Variants in OPN1SW observed in about 807,000 individuals in gnomAD.
The protein encoded by OPN1SW is short-wave-sensitive opsin 1.
Under a neutral mutation model 31.9 loss-of-function variants are expected in OPN1SW, and 25 were observed. The observed-to-expected ratio is 0.78, with a 90% confidence interval of 0.57 to 1.09. OPN1SW has a LOEUF of 1.09. Ranked by LOEUF, OPN1SW falls within the 50% of genes least tolerant of loss-of-function variation. The pLI is 0.00. For synonymous variants in OPN1SW, 190 were observed against 171.9 expected (o/e 1.11, Z -0.82); for missense variants, 424 against 448.0 (o/e 0.95, Z 0.48).
In OPN1SW at chr7:128,775,106, A is replaced by G. The variant is rs764109090; in HGVS notation, c.392T>C (p.Ile131Thr). Residue 131 changes from isoleucine to threonine, a missense_variant, in exon 2 of 5, where the codon ATT (isoleucine) becomes ACT (threonine). Transcript: ENST00000249389. The part of the protein sequence containing the change: ...SLAFLAFERY[I>T]VICKPFGNFR... ...GTTGCCGAAGGGCTTACAGATGACA[A>G]TGTAGCGCTCAAAGGCCAGGAAGGC... The G allele has an allele frequency of 1.7e-5, 27 of 1,614,102 alleles. No individual in the cohort carries two copies. In the Admixed American group the frequency reaches 3.5e-4, roughly 21 times the overall value.
At position 128,775,601 on chromosome 7, in the gene OPN1SW, T is replaced by C; in HGVS notation, c.181A>G (p.Lys61Glu). 6.2e-7 allele frequency: 1 copy of C among 1,614,060 alleles called. No individual in the cohort carries two copies. The highest frequency in any genetic ancestry group is 8.5e-7 in the Non-Finnish European group (1 of 1,179,996). Reference sequence around the variant, plus strand: ...ATGTAGTTGAGGGGCTGCCGCAACTTTTTGTAGCGCAGTGTGGCCACCAGC... The same window carrying C: ...ATGTAGTTGAGGGGCTGCCGCAACTCTTTGTAGCGCAGTGTGGCCACCAGC... Reference protein sequence around the residue: ...MVLVATLRYKKLRQPLNYILV... With the variant: ...MVLVATLRYKELRQPLNYILV... Residue 61 changes from lysine (K) to glutamate (E), a missense_variant, in exon 1 of 5, where the codon AAG becomes GAG. Coordinates refer to ENST00000249389, the MANE Select transcript of OPN1SW (RefSeq NM_001385125.1).
At chr7:128,773,942 G>GT (rs1801696548) in intron 3 of OPN1SW, 54 bp from the exon 4 acceptor site, 2 of 1,465,960 alleles carry the variant, frequency 1.4e-6, no homozygotes, top group Admixed American at 2.4e-5. Flanking sequence ...CCCTCTGGAT[G>GT]CTTTTTTTTT....
In OPN1SW at chr7:128,772,617, T is replaced by C. The variant is rs753945979; in HGVS notation, c.961A>G (p.Thr321Ala). ...IMKMVCGKAM[T>A]DESDTCSSQK... ...GAGCTGCATGTGTCGGATTCATCTGTCATGGCCTTCCCACACACCATCTTC... is the reference window on the plus strand; with the variant it reads ...GAGCTGCATGTGTCGGATTCATCTGCCATGGCCTTCCCACACACCATCTTC... Residue 321 changes from threonine (T) to alanine (A), a missense_variant, in exon 5 of 5, where the codon ACA becomes GCA. Thr to Ala is a moderately conservative substitution (Grantham distance 58, BLOSUM62 0). Coordinates refer to ENST00000249389, the MANE Select transcript of OPN1SW (RefSeq NM_001385125.1). 1 of 1,614,140 alleles carries C rather than the reference T, an allele frequency of 6.2e-7. No individual in the cohort carries two copies. The highest frequency in any genetic ancestry group is 1.7e-5 in the Admixed American group (1 of 60,020).
chr7:128,773,894 G>T lies in OPN1SW; in HGVS notation c.679-6C>A, dbSNP rs1171975126. The stretch of plus-strand genomic sequence containing the variant: ...TCCTGCTGCTGAGCTGCAACCTGGG[G>T]TGGAGCACGGAAAGCATCACATCTC... On this transcript the variant is annotated splice_region_variant and splice_polypyrimidine_tract_variant and intron_variant, in intron 3 of 4. Transcript: ENST00000249389. 6.2e-7 allele frequency: 1 copy of T among 1,608,646 alleles called. No homozygotes were observed. The highest frequency in any genetic ancestry group is 1.3e-5 in the African/African-American group (1 of 74,664).
Position 128,772,514 on chromosome 7 carries a change from G to A in OPN1SW, c.*26C>T. ...TTAAAAGTAAAATTTAATTCTAGCT[G>A]TTGCAAACAGGCCAATATTGGGTCC... On this transcript the variant is annotated 3_prime_UTR_variant, in exon 5 of 5. Coordinates refer to ENST00000249389, the MANE Select transcript of OPN1SW (RefSeq NM_001385125.1). 3 of 1,613,952 alleles carry A rather than the reference G, an allele frequency of 1.9e-6. No homozygotes were observed. The highest frequency in any genetic ancestry group is 1.3e-5 in the African/African-American group (1 of 75,030).
chr7:128,774,038 C>T (rs1317409410), intron 3 of OPN1SW, 150 bp from the exon 4 acceptor site: 28 of 1,094,002 alleles, frequency 2.6e-5, no homozygotes, highest in East Asian at 2.1e-4. Flanking sequence ...GGTGCAGTCT[C>T]GGCTCACTGA....
rs890391366 is a variant in OPN1SW at position 128,773,050 on chromosome 7, T to C, written c.919-391A>G. Among the ~76,000 whole-genome samples the C allele has an allele frequency of 3.9e-5, 6 of 152,244 alleles. No homozygotes were observed. In the South Asian group the frequency reaches 1.2e-3, roughly 31 times the overall value. On this transcript the variant is annotated intron_variant, in intron 4 of 4. Coordinates refer to ENST00000249389, the MANE Select transcript of OPN1SW (RefSeq NM_001385125.1). ...CTGGGATTGAGGAAACAATACCATCTGAAAGTAGGGTTTTTGCCACTTAGG... is the reference window on the plus strand; with the variant it reads ...CTGGGATTGAGGAAACAATACCATCCGAAAGTAGGGTTTTTGCCACTTAGG...
Position 128,774,497 on chromosome 7 carries a change from C to T in OPN1SW, c.678+1G>A, listed in dbSNP as rs1801713451. ...TTCCCTGACTATCAAATGCCACTCA[C>T]AGCTTTCAGGGCCCTCAGCAGCTGA... On this transcript the variant is annotated splice_donor_variant, in intron 3 of 4. Transcript: ENST00000249389. LOFTEE classifies it high-confidence loss of function. The T allele has an allele frequency of 1.2e-6, 2 of 1,613,862 alleles. No homozygotes were observed. The highest frequency in any genetic ancestry group is 1.7e-6 in the Non-Finnish European group (2 of 1,180,026).
chr7:128,773,692 G>A lies in OPN1SW; in HGVS notation c.875C>T (p.Ala292Val), dbSNP rs573575684. Residue 292 changes from alanine (A) to valine (V), a missense_variant, in exon 4 of 5, where the codon GCT (alanine) becomes GTT (valine). By Grantham distance (64) the Ala-to-Val change is moderately conservative. Coordinates refer to ENST00000249389, the MANE Select transcript of OPN1SW (RefSeq NM_001385125.1). Reference protein sequence around the residue: ...VTIPSFFSKSACIYNPIIYCF... With the variant: ...VTIPSFFSKSVCIYNPIIYCF... ...GTAGATGATGGGATTGTAGATGCAA[G>A]CACTCTTGGAGAAGAATGAAGGAAT... The A allele has an allele frequency of 3.7e-6, 6 of 1,614,240 alleles. No homozygotes were observed. The highest frequency in any genetic ancestry group is 2.2e-5 in the East Asian group (1 of 44,888).
chr7:128,773,781 G>T lies in OPN1SW; in HGVS notation c.786C>A (p.Tyr262Ter). ...TGACCATGTACATGGCGAAGGCCGC[G>T]TAGGGCACGTAGCAGACACAGAAGG... ...VGSFCVCYVP[Y>*]AAFAMYMVNN... The change falls in exon 4 of 5, where the codon TAC (tyrosine) becomes TAA (stop). Residue 262 changes from tyrosine to a stop codon, truncating the protein, a stop_gained. Coordinates refer to ENST00000249389, the MANE Select transcript of OPN1SW (RefSeq NM_001385125.1). LOFTEE classifies it high-confidence loss of function. 1.2e-6 allele frequency: 2 copies of T among 1,614,114 alleles called. No individual in the cohort carries two copies. The highest frequency in any genetic ancestry group is 1.7e-6 in the Non-Finnish European group (2 of 1,180,014).
At position 128,774,759 on chromosome 7, in the gene OPN1SW, A is replaced by G. The variant is rs1585028723; in HGVS notation, c.513-96T>C. 3.9e-6 allele frequency: 6 copies of G among 1,546,110 alleles called. No homozygotes were observed. The East Asian group carries it at 1.4e-4, about 35-fold the overall frequency. On this transcript the variant is annotated intron_variant, in intron 2 of 4. Coordinates refer to ENST00000249389, the MANE Select transcript of OPN1SW (RefSeq NM_001385125.1). ...GTGTTCTCCACTTAGAACCCACGGA[A>G]TGCCCTAAGGCTTCAAGCAGGGGGG...
intron 2 of OPN1SW, 120 bp downstream of exon 2, chr7:128,774,866 C>T: frequency 1.4e-6 from 2 of 1,419,348 alleles, no homozygotes; most frequent in Non-Finnish European, 1.9e-6. Context: ...GCCCTTTCGC[C>T]TCATATTGCA....
At position 128,774,534 on chromosome 7, in the gene OPN1SW, G is replaced by A. The variant is rs760632132; in HGVS notation, c.642C>T (p.Cys214=). Reference sequence around the variant, plus strand: ...CCCTCAGCAGCTGAGTGTAGGAGAAGCAGATGAGGGAGAGAGGCACAATGA... The same window carrying A: ...CCCTCAGCAGCTGAGTGTAGGAGAAACAGATGAGGGAGAGAGGCACAATGA... ...FCFIVPLSLI[C]FSYTQLLRAL... The change falls in exon 3 of 5, where the codon TGC becomes TGT. Residue 214 remains cysteine (C), a synonymous_variant. Transcript: ENST00000249389. 9.2e-5 allele frequency: 149 copies of A among 1,613,934 alleles called. No homozygotes were observed. Among genetic ancestry groups the A allele is most frequent in the Non-Finnish European group, 1.8e-5 (21 of 1,180,038 alleles).
Position 128,775,503 on chromosome 7 carries a change from A to G in OPN1SW, c.279T>C (p.Cys93=), listed in dbSNP as rs779614739. 21 of 1,613,946 alleles carry G rather than the reference A, an allele frequency of 1.3e-5. No homozygotes were observed. The highest frequency in any genetic ancestry group is 1.6e-4 in the Middle Eastern group (1 of 6,080). The stretch of plus-strand genomic sequence containing the variant: ...GGCGACCGAAGACGAAGTATCCGTT[A>G]CAGCTGGCGACGAAGACAGGGAAGA... ...FSVFPVFVAS[C]NGYFVFGRHV... is the part of the protein sequence containing the mutation. Residue 93 remains cysteine, a synonymous_variant, in exon 1 of 5, where the codon TGT becomes TGC. Transcript: ENST00000249389.
Position 128,775,532 on chromosome 7 carries a change from A to G in OPN1SW, c.250T>C (p.Ser84Pro), listed in dbSNP as rs1801743863. ...CTGGCGACGAAGACAGGGAAGACAG[A>G]GAAGATGCAGAGGAGGAAGCCTCCG... The part of the protein sequence containing the change: ...SFGGFLLCIF[S>P]VFPVFVASCN... Residue 84 changes from serine (S) to proline (P), a missense_variant, in exon 1 of 5, where the codon TCT (serine) becomes CCT (proline). Coordinates refer to ENST00000249389, the MANE Select transcript of OPN1SW (RefSeq NM_001385125.1). The G allele has an allele frequency of 6.2e-7, 1 of 1,614,098 alleles. No individual in the cohort carries two copies. The highest frequency in any genetic ancestry group is 8.5e-7 in the Non-Finnish European group (1 of 1,179,980).
chr7:128,774,863 C>T (rs912260180), intron 2 of OPN1SW, 123 bp downstream of exon 2: 79 of 1,393,104 alleles, frequency 5.7e-5, no homozygotes, highest in African/African-American at 9.9e-5. Context: ...ACTGCCCTTT[C>T]GCCTCATATT....
intron 4 of OPN1SW, 136 bp downstream of exon 4, chr7:128,773,513 A>G (rs1255265210): frequency 2.5e-6 from 3 of 1,190,174 alleles, no homozygotes; most frequent in Non-Finnish European, 3.7e-6. Flanking sequence ...AGGCTTCCCA[A>G]CCTACTCGGG....
chr7:128,775,194 CACCCAGCCTGGCTGGCAGAGTGGCAA>C, intron 1 of OPN1SW, 40 bp from the exon 2 acceptor site: 3 of 1,598,836 alleles, frequency 1.9e-6, no homozygotes, highest in Non-Finnish European at 2.6e-6. Context: ...GACAGAGCCC[CACCCAGCCTGGCTGGCAGAGTGGCAA>C]ACAGATCGGG....
chr7:128,772,564 C>T lies in OPN1SW; in HGVS notation c.1014G>A (p.Ser338=), dbSNP rs140568559. ...CTCAGTTGGGGCCAACTTGGGTAGA[C>T]GAGACAGTAGAAACTTCTGTTTTCT... ...SSQKTEVSTV[S]STQVGPN is the part of the protein sequence containing the mutation. The change falls in exon 5 of 5, where the codon TCG becomes TCA. Residue 338 remains serine, a synonymous_variant. Transcript: ENST00000249389. 1.2e-6 allele frequency: 2 copies of T among 1,614,146 alleles called. No individual in the cohort carries two copies. Among genetic ancestry groups the T allele is most frequent in the African/African-American group, 1.3e-5 (1 of 75,024 alleles).
Sources: gnomAD v4.1 joint callset for allele counts (sites outside exome capture counted in the v4.1 genomes callset) on GRCh38, gnomAD v4.1.1 for gene constraint, MANE v1.5 for transcripts, NCBI Gene and HGNC (gene_info 2026-07-23, HGNC 2026-07-21) for gene names.